Variants in ASXL3 observed in about 807,000 individuals in gnomAD.
ASXL3 encodes the protein putative Polycomb group protein ASXL3.
Under a neutral mutation model 170.6 loss-of-function variants are expected in ASXL3, and 34 were observed. The ratio of observed to expected loss-of-function variants is 0.20; its 90% confidence interval spans 0.15 to 0.27. ASXL3 has a LOEUF of 0.27. Ranked by LOEUF, ASXL3 falls within the 10% of genes least tolerant of loss-of-function variation. The pLI, the probability that ASXL3 is intolerant of heterozygous loss-of-function variation, is 1.00. For missense variants in ASXL3, 2,592 were observed against 2,695.3 expected (o/e 0.96, Z 0.85); for synonymous variants, 1,002 against 989.1 (o/e 1.01, Z -0.24).
At position 33,578,488 on chromosome 18, in the gene ASXL3, G is replaced by A. The variant is rs1391858426; in HGVS notation, c.-144G>A. ...CGCCGCCGCCGCCGCCGCCGCCGCC[G>A]CCGCCGCCGCCACCGCCCGCGCGCC... On this transcript the variant is annotated 5_prime_UTR_variant, in exon 1 of 12. Coordinates refer to ENST00000269197, the MANE Select transcript of ASXL3 (RefSeq NM_030632.3). 4 of 253,958 alleles carry A rather than the reference G, an allele frequency of 1.6e-5. No individual in the cohort carries two copies. Among genetic ancestry groups the A allele is most frequent in the Admixed American group, 7.4e-5 (1 of 13,486 alleles). The allele number at this position is 253,958 out of a possible 1,614,324, so 15.7% of individuals were successfully genotyped here.
chr18:33,612,228 C>A (rs755486805), intron 2 of ASXL3, among the ~76,000 whole-genome samples: 1 of 151,370 alleles, frequency 6.6e-6, no homozygotes, highest in Non-Finnish European at 1.5e-5. Context: ...ATTAAGAAAA[C>A]CTCTGTTGGG....
chr18:33,717,145 C>T (rs1427823936), intron 8 of ASXL3, among the ~76,000 whole-genome samples: 8 of 152,070 alleles, frequency 5.3e-5, no homozygotes, highest in Non-Finnish European at 1.0e-4. Context: ...AGTAATAGGA[C>T]TGATTTTGCT....
At chr18:33,633,348 A>G (rs2065709126) in intron 2 of ASXL3, among the ~76,000 whole-genome samples, 1 of 152,186 alleles carries the variant, frequency 6.6e-6, no homozygotes, top group African/African-American at 2.4e-5. Context: ...GTTCTGTAAT[A>G]AGGAAATACT....
intron 9 of ASXL3, among the ~76,000 whole-genome samples, chr18:33,732,573 G>C (rs1041118815): frequency 1.2e-4 from 18 of 152,102 alleles, no homozygotes; most frequent in Non-Finnish European, 1.6e-4. Flanking sequence ...AAGAATACTA[G>C]CCAGGCGTGG....
At chr18:33,650,044 C>CA (rs1312593416) in intron 4 of ASXL3, among the ~76,000 whole-genome samples, 3 of 152,010 alleles carry the variant, frequency 2.0e-5, no homozygotes, top group Admixed American at 2.0e-4. Context: ...GGACTGGGTC[C>CA]ACCTGGAAAA....
At position 33,706,247 on chromosome 18, in the gene ASXL3, T is replaced by A. The variant is rs552348958; in HGVS notation, c.879+22679T>A. 2.6e-4 allele frequency among the ~76,000 whole-genome samples: 39 copies of A among 151,942 alleles called. No homozygotes were observed. The South Asian group carries it at 7.9e-3, about 31-fold the overall frequency. On this transcript the variant is annotated intron_variant, in intron 8 of 11. Transcript: ENST00000269197. ...ATCAAAGAGCTACCTCAACAAGATA[T>A]CAGGCTACCAATAATCAAGATAACA...
chr18:33,674,478 A>G (rs2066394045), intron 7 of ASXL3, among the ~76,000 whole-genome samples: 3 of 152,214 alleles, frequency 2.0e-5, no homozygotes, highest in African/African-American at 7.2e-5. Context: ...CCTATCAAGC[A>G]GCTGAATGGA....
chr18:33,619,533 A>G (rs758185940), intron 2 of ASXL3, among the ~76,000 whole-genome samples: 9 of 151,914 alleles, frequency 5.9e-5, no homozygotes, highest in Non-Finnish European at 1.3e-4. Flanking sequence ...CATGAGGATG[A>G]CCATTTTGGG....
At chr18:33,731,075 A>G (rs1485693235) in intron 8 of ASXL3, among the ~76,000 whole-genome samples, 1 of 152,142 alleles carries the variant, frequency 6.6e-6, no homozygotes, top group African/African-American at 2.4e-5. Flanking sequence ...CTTGTTCTTT[A>G]TGTTCAATAT....
intron 8 of ASXL3, among the ~76,000 whole-genome samples, chr18:33,718,672 C>T (rs2067206326): frequency 6.6e-6 from 1 of 151,986 alleles, no homozygotes; most frequent in African/African-American, 2.4e-5. Flanking sequence ...AAAGGTTATC[C>T]CCTTAGGCAG....
At position 33,737,926 on chromosome 18, in the gene ASXL3, T is replaced by C. The variant is rs367704190; in HGVS notation, c.1083-561T>C. Among the ~76,000 whole-genome samples, 5 of 152,224 alleles carry C rather than the reference T, an allele frequency of 3.3e-5. No homozygotes were observed. The East Asian group carries it at 9.7e-4, about 29-fold the overall frequency. Reference sequence around the variant, plus strand: ...TTCTATTATAAGAGCATCTTTCTACTTGCAGATTTAAAAAATATATATTTT... The same window carrying C: ...TTCTATTATAAGAGCATCTTTCTACCTGCAGATTTAAAAAATATATATTTT... On this transcript the variant is annotated intron_variant, in intron 10 of 11. Coordinates refer to ENST00000269197, the MANE Select transcript of ASXL3 (RefSeq NM_030632.3).
intron 4 of ASXL3, among the ~76,000 whole-genome samples, chr18:33,660,951 GAAGAA>G (rs2066163847): frequency 1.3e-5 from 2 of 152,158 alleles, no homozygotes; most frequent in South Asian, 4.1e-4. Flanking sequence ...CGGTCTTTTG[GAAGAA>G]AATGTCTTCT....
intron 2 of ASXL3, among the ~76,000 whole-genome samples, chr18:33,610,859 C>T (rs757864167): frequency 1.1e-4 from 17 of 151,756 alleles, no homozygotes; most frequent in Admixed American, 3.3e-4. Flanking sequence ...TGTGGAAATC[C>T]CATTAAATAT....
chr18:33,608,012 T>C (rs1599389228), intron 2 of ASXL3, among the ~76,000 whole-genome samples: 1 of 151,964 alleles, frequency 6.6e-6, no homozygotes, highest in African/African-American at 2.4e-5. Flanking sequence ...CTTTTACAGG[T>C]TTAATAGGTA....
rs1050899801 is a variant in ASXL3, at chr18:33,636,182, T to C, written c.138-8712T>C. Among the ~76,000 whole-genome samples the C allele has an allele frequency of 5.9e-5, 9 of 152,114 alleles. No homozygotes were observed. The East Asian group carries it at 1.7e-3, about 29-fold the overall frequency. ...TGATTTACTGAGTTGGATTGGATTA[T>C]AGGAGAGTGGTCTGAGAGTTGGAGA... On this transcript the variant is annotated intron_variant, in intron 2 of 11. Coordinates refer to ENST00000269197, the MANE Select transcript of ASXL3 (RefSeq NM_030632.3).
intron 7 of ASXL3, among the ~76,000 whole-genome samples, chr18:33,679,215 A>G (rs1227968371): frequency 6.6e-6 from 1 of 152,078 alleles, no homozygotes; most frequent in East Asian, 1.9e-4. Context: ...CTCTCTATAT[A>G]TATATTTTAA....
chr18:33,661,358 C>T (rs1304347560), intron 4 of ASXL3, among the ~76,000 whole-genome samples: 6 of 152,042 alleles, frequency 3.9e-5, no homozygotes, highest in African/African-American at 1.4e-4. Flanking sequence ...TATGTCCATA[C>T]AATAGCTCAA....
At chr18:33,718,198 T>G (rs2067197289) in intron 8 of ASXL3, among the ~76,000 whole-genome samples, 1 of 152,110 alleles carries the variant, frequency 6.6e-6, no homozygotes, top group Admixed American at 6.6e-5. Flanking sequence ...TCAGGGAGAT[T>G]ATAGTCTGCT....
rs1273522874 is a variant in ASXL3 at position 33,747,994 on chromosome 18, A to T, written c.*1399A>T. The stretch of plus-strand genomic sequence containing the variant: ...AAAGCAAGTTCAAAAGCACATGCAC[A>T]TTGAGGGAAGATGAAAGAAAACAAA... On this transcript the variant is annotated 3_prime_UTR_variant, in exon 12 of 12. Coordinates refer to ENST00000269197, the MANE Select transcript of ASXL3 (RefSeq NM_030632.3). 1.3e-5 allele frequency: 2 copies of T among 152,194 alleles called. No homozygotes were observed. The highest frequency in any genetic ancestry group is 4.8e-5 in the African/African-American group (2 of 41,446). The allele number at this position is 152,194 out of a possible 1,614,324, so 9.4% of individuals were successfully genotyped here.
Sources: allele counts gnomAD v4.1 joint callset (sites outside exome capture counted in the v4.1 genomes callset), GRCh38; gene constraint gnomAD v4.1.1; transcripts MANE v1.5; gene names NCBI Gene and HGNC (gene_info 2026-07-23, HGNC 2026-07-21).